Variants in IL4I1 observed in about 807,000 individuals in gnomAD.
The protein encoded by IL4I1 is L-amino-acid oxidase.
IL4I1 carries 24 observed loss-of-function variants against 29.7 expected under a neutral mutation model. The observed-to-expected ratio is 0.81, with a 90% confidence interval of 0.59 to 1.14. The LOEUF (loss-of-function observed/expected upper bound fraction) is 1.14. IL4I1 is among the 50% of genes most tolerant of loss of function. The probability of loss-of-function intolerance (pLI) is 0.00; values close to 1 mark genes in which losing one functional copy is unlikely to be tolerated. For missense variants in IL4I1, 686 were observed against 785.6 expected (o/e 0.87, Z 1.52); for synonymous variants, 371 against 352.5 (o/e 1.05, Z -0.59).
chr19:49,928,802 T>C (rs1452635089), intron 1 of IL4I1: 1 of 152,126 alleles, frequency 6.6e-6, no homozygotes, highest in East Asian at 1.9e-4. Context: ...TGGCAGGAAA[T>C]TCTGCAAGCA....
chr19:49,921,561 G>A lies in IL4I1; in HGVS notation c.-228+6133C>T, dbSNP rs888190138. Reference sequence around the variant, plus strand: ...GTCCGCTGCTCGCCAACCCCCATACGTTCCTGCTCTGTGGTAGGTCAGGAA... The same window carrying A: ...GTCCGCTGCTCGCCAACCCCCATACATTCCTGCTCTGTGGTAGGTCAGGAA... On this transcript the variant is annotated intron_variant, in intron 2 of 9. Coordinates refer to the IL4I1 transcript ENST00000341114. This position sits in a 1 kb window ranked among gnomAD's most constrained non-coding sequence, Gnocchi z 5.4. Among the ~76,000 whole-genome samples, 1 of 152,194 alleles carries A rather than the reference G, an allele frequency of 6.6e-6. No homozygotes were observed. The highest frequency in any genetic ancestry group is 1.5e-5 in the Non-Finnish European group (1 of 68,032).
At chr19:49,899,135 G>A (rs942824501), upstream of IL4I1, among the ~76,000 whole-genome samples, 5 of 152,234 alleles carry the variant, frequency 3.3e-5, no homozygotes, top group Non-Finnish European at 7.3e-5. Flanking sequence ...CAGGTCGGGT[G>A]GGCCCCAGGT....
At position 49,908,451 on chromosome 19, in the gene IL4I1, C is replaced by T. The variant is rs2122591524; in HGVS notation, c.-227-4130G>A. On this transcript the variant is annotated intron_variant, in intron 2 of 9. Coordinates refer to the IL4I1 transcript ENST00000341114. ...GACGTGTTCAGGTGCTCGATGATGTCCTTGAGATCCTGGGCCATGCGCTTG... is the reference window on the plus strand; with the variant it reads ...GACGTGTTCAGGTGCTCGATGATGTTCTTGAGATCCTGGGCCATGCGCTTG... 1 of 1,614,134 alleles carries T rather than the reference C, an allele frequency of 6.2e-7. No individual in the cohort carries two copies. Among genetic ancestry groups the T allele is most frequent in the Non-Finnish European group, 8.5e-7 (1 of 1,180,054 alleles).
Position 49,889,810 on chromosome 19 carries a change from A to T in IL4I1, c.1564T>A (p.Ser522Thr). ...ACATGCCCCTGCCCCTCCATGTCAG[A>T]TGCGTGCCCCTCGGGGCTGGCCGTG... Reference protein sequence around the residue: ...SDTASPEGHASDMEGQGHVHG... With the variant: ...SDTASPEGHATDMEGQGHVHG... The change falls in exon 8 of 8, where the codon TCT becomes ACT. Residue 522 changes from serine to threonine, a missense_variant. Ser to Thr is a moderately conservative substitution (Grantham distance 58, BLOSUM62 1). Transcript: ENST00000391826. The T allele has an allele frequency of 3.2e-6, 5 of 1,549,542 alleles. No individual in the cohort carries two copies. The highest frequency in any genetic ancestry group is 4.4e-6 in the Non-Finnish European group (5 of 1,147,424).
rs1446659833 is a variant in IL4I1, at chr19:49,925,466, A to AAAG, written c.-228+2227_-228+2228insCTT. Among the ~76,000 whole-genome samples the AAAG allele has an allele frequency of 1.0e-3, 144 of 143,456 alleles. 3 individuals carry two copies. Among genetic ancestry groups the AAAG allele is most frequent in the South Asian group, 3.7e-3 (17 of 4,592 alleles). The allele number at this position is 143,456 out of a possible 152,430, so 94.1% of individuals were successfully genotyped here. On this transcript the variant is annotated intron_variant, in intron 2 of 9. Coordinates refer to the IL4I1 transcript ENST00000341114. ...AAAAAAGCCAAAAAAAAAAAAAAAT[A>AAAG]GCATCCTACCTGGCCATCCTCTCAA...
At chr19:49,913,621 T>A (rs945619843) in intron 2 of IL4I1, among the ~76,000 whole-genome samples, 1 of 152,232 alleles carries the variant, frequency 6.6e-6, no homozygotes, top group African/African-American at 2.4e-5. Flanking sequence ...AGAGGAGAGC[T>A]GGAAGCTCGT....
chr19:49,894,570 G>T, intron 4 of IL4I1, 101 bp from the exon 5 acceptor site: 3 of 553,388 alleles, frequency 5.4e-6, no homozygotes, highest in Non-Finnish European at 6.5e-6. Context: ...AGTAGCTGGG[G>T]ACCAGCATGA....
In IL4I1 at chr19:49,896,073, G is replaced by A. The variant is rs999739654; in HGVS notation, c.14-20C>T. Reference sequence around the variant, plus strand: ...GCAGGGCTGGGAGGAGGAGGACAGGGTCAACGGGGTTGTGGCAGGTCGGGG... The same window carrying A: ...GCAGGGCTGGGAGGAGGAGGACAGGATCAACGGGGTTGTGGCAGGTCGGGG... On this transcript the variant is annotated intron_variant, in intron 2 of 7. Coordinates refer to ENST00000391826, the MANE Select transcript of IL4I1 (RefSeq NM_152899.2). The A allele has an allele frequency of 2.5e-6, 4 of 1,610,848 alleles. No individual in the cohort carries two copies. The highest frequency in any genetic ancestry group is 1.6e-4 in the Middle Eastern group (1 of 6,074).
In IL4I1 at chr19:49,890,130, G is replaced by C; in HGVS notation, c.1244C>G (p.Ala415Gly). Reference protein sequence around the residue: ...AAFAGLSREEALRLALDDVAA... With the variant: ...AAFAGLSREEGLRLALDDVAA... ...CACGTCGTCGAGCGCCAAGCGCAAC[G>C]CCTCTTCCCGGCTCAAGCCGGCGAA... The change falls in exon 8 of 8, where the codon GCG becomes GGG. Residue 415 changes from alanine (A) to glycine (G), a missense_variant. Ala to Gly is a moderately conservative substitution (Grantham distance 60). Coordinates refer to ENST00000391826, the MANE Select transcript of IL4I1 (RefSeq NM_152899.2). 6.5e-7 allele frequency: 1 copy of C among 1,542,482 alleles called. No individual in the cohort carries two copies. Among genetic ancestry groups the C allele is most frequent in the Non-Finnish European group, 8.7e-7 (1 of 1,144,622 alleles).
intron 1 of IL4I1, chr19:49,927,970 G>C (rs1233501437): frequency 6.6e-6 from 1 of 152,230 alleles, no homozygotes; most frequent in East Asian, 1.9e-4. Context: ...GGAAGCTGAA[G>C]GACGGTTTGA....
chr19:49,929,320 G>C (rs938243251), intron 1 of IL4I1: 1 of 155,156 alleles, frequency 6.4e-6, no homozygotes, highest in Non-Finnish European at 1.4e-5. Flanking sequence ...CCGTCTCCGC[G>C]CTCACCACGC....
At chr19:49,923,689 A>G (rs148122086) in intron 2 of IL4I1, among the ~76,000 whole-genome samples, 21 of 152,340 alleles carry the variant, frequency 1.4e-4, no homozygotes, top group South Asian at 4.1e-4. Context: ...ACGCACATTT[A>G]CACATTTAAT....
chr19:49,924,880 G>A (rs975011500), intron 2 of IL4I1, among the ~76,000 whole-genome samples: 3 of 152,206 alleles, frequency 2.0e-5, no homozygotes, highest in Admixed American at 6.5e-5. Flanking sequence ...GGGAGGGGAA[G>A]CAGAGTCCCT....
Position 49,891,021 on chromosome 19 carries a change from G to C in IL4I1, c.723C>G (p.Leu241=). The C allele has an allele frequency of 6.2e-7, 1 of 1,611,744 alleles. No homozygotes were observed. Among genetic ancestry groups the C allele is most frequent in the Non-Finnish European group, 8.5e-7 (1 of 1,179,614 alleles). Residue 241 remains leucine (L), a synonymous_variant, in exon 7 of 8, where the codon CTC becomes CTG. Transcript: ENST00000391826. The part of the protein sequence containing the change: ...DVMSEDGFFY[L]SFAEALRAHS... ...GGGCCCGGAGGGCCTCGGCGAAGCT[G>C]AGATAGAAGAAGCCATCCTCGGACA...
At chr19:49,895,500 C>T (rs1193598203) in intron 3 of IL4I1, among the ~76,000 whole-genome samples, 1 of 152,184 alleles carries the variant, frequency 6.6e-6, no homozygotes, top group Non-Finnish European at 1.5e-5. Context: ...GTGGTTAGAC[C>T]TCAGGGCACA....
At chr19:49,924,613 A>T (rs924111498) in intron 2 of IL4I1, among the ~76,000 whole-genome samples, 1 of 152,174 alleles carries the variant, frequency 6.6e-6, no homozygotes, top group Non-Finnish European at 1.5e-5. Flanking sequence ...AGGCTGGGGG[A>T]GGCCAGGACA....
At chr19:49,895,004 T>C in intron 4 of IL4I1, 64 bp downstream of exon 4, 3 of 1,241,054 alleles carry the variant, frequency 2.4e-6, no homozygotes, top group Non-Finnish European at 3.5e-6. Flanking sequence ...CCCACTCTGG[T>C]GTGGGCATGG....
At chr19:49,917,347 TCTAA>T (rs2075651132) in intron 2 of IL4I1, among the ~76,000 whole-genome samples, 1 of 152,214 alleles carries the variant, frequency 6.6e-6, no homozygotes, top group South Asian at 2.1e-4. Context: ...ACTCCACAAG[TCTAA>T]CTACTCTGCT....
At chr19:49,899,787 C>T (rs1268938827), upstream of IL4I1, among the ~76,000 whole-genome samples, 2 of 152,158 alleles carry the variant, frequency 1.3e-5, no homozygotes, top group Non-Finnish European at 2.9e-5. Flanking sequence ...AATCTCCTGA[C>T]TTTGTGATCT....
Sources: gnomAD v4.1 joint callset for allele counts (sites outside exome capture counted in the v4.1 genomes callset) on GRCh38, gnomAD v4.1.1 for gene constraint, Gnocchi (gnomAD v3.1) non-coding constraint, MANE v1.5 for transcripts, NCBI Gene and HGNC (gene_info 2026-07-23, HGNC 2026-07-21) for gene names.